The following SRGAP1 variants were observed in gnomAD, a reference collection of about 807,000 sequenced individuals.
SRGAP1 encodes the protein SLIT-ROBO Rho GTPase activating protein 1, also known as SLIT-ROBO Rho GTPase-activating protein 1.
In SRGAP1, 43 loss-of-function variants were observed where a neutral mutation model predicts 121.9. That is an observed-to-expected ratio of 0.35 (90% CI 0.28 to 0.46). SRGAP1 has a LOEUF of 0.46. Ranked by LOEUF, SRGAP1 falls within the 20% of genes least tolerant of loss-of-function variation. The pLI is 1.00. For missense variants in SRGAP1, 1,102 were observed against 1,350.9 expected, an observed-to-expected ratio of 0.82 and a Z score of 2.89; for synonymous variants, 447 against 485.4, an observed-to-expected ratio of 0.92 and a Z score of 1.04.
chr12:63,972,401 T>C (rs1369200469), intron 1 of SRGAP1, among the ~76,000 whole-genome samples: 1 of 152,178 alleles, frequency 6.6e-6, no homozygotes, highest in Non-Finnish European at 1.5e-5. Context: ...ATACTGTTTA[T>C]AGGAGAAACC....
At chr12:64,094,826 G>T (rs2036122564) in intron 12 of SRGAP1, 106 bp from the exon 13 acceptor site, 2 of 1,107,282 alleles carry the variant, frequency 1.8e-6, no homozygotes, top group Non-Finnish European at 2.7e-6. Context: ...GTTTGCTCCA[G>T]AACTGCAAAA....
At chr12:63,884,186 G>A (rs1018352327) in intron 1 of SRGAP1, among the ~76,000 whole-genome samples, 1 of 151,948 alleles carries the variant, frequency 6.6e-6, no homozygotes, top group Non-Finnish European at 1.5e-5. Context: ...GGGAGGCTGA[G>A]GCAGGAGAAT....
intron 1 of SRGAP1, among the ~76,000 whole-genome samples, chr12:63,906,515 G>T (rs984560977): frequency 6.6e-6 from 1 of 151,884 alleles, no homozygotes; most frequent in Non-Finnish European, 1.5e-5. Flanking sequence ...GGGTTTCACC[G>T]TGTTAGCCAG....
intron 1 of SRGAP1, among the ~76,000 whole-genome samples, chr12:63,940,366 C>T (rs1332289072): frequency 5.3e-5 from 8 of 150,572 alleles, no homozygotes; most frequent in African/African-American, 2.0e-4. Context: ...TGTCAAATGC[C>T]TCTTTCTCAT....
chr12:63,845,105 C>G (rs113597774), intron 1 of SRGAP1, among the ~76,000 whole-genome samples: 99 of 152,304 alleles, frequency 6.5e-4, no homozygotes, highest in African/African-American at 2.3e-3. Context: ...ACTTCCCCCG[C>G]CAGCTGCCAG....
At chr12:64,038,003 G>GT (rs1323479358) in intron 4 of SRGAP1, among the ~76,000 whole-genome samples, 1 of 152,088 alleles carries the variant, frequency 6.6e-6, no homozygotes, top group Non-Finnish European at 1.5e-5. Context: ...CTTTCCAAAG[G>GT]TTATGGCGTA....
intron 3 of SRGAP1, among the ~76,000 whole-genome samples, chr12:64,007,206 CTG>C (rs1204966208): frequency 6.6e-6 from 1 of 152,134 alleles, no homozygotes; most frequent in Non-Finnish European, 1.5e-5. Context: ...TTTCTGTAAA[CTG>C]TGTCATATAA....
chr12:64,008,229 TTGG>T (rs1465733037), intron 3 of SRGAP1, among the ~76,000 whole-genome samples: 5 of 152,232 alleles, frequency 3.3e-5, no homozygotes, highest in Non-Finnish European at 7.3e-5. Flanking sequence ...CTTGAAGGTT[TTGG>T]GGGTTTTCCC....
intron 3 of SRGAP1, among the ~76,000 whole-genome samples, chr12:63,993,602 G>A (rs1281122148): frequency 6.6e-6 from 1 of 152,000 alleles, no homozygotes; most frequent in African/African-American, 2.4e-5. Context: ...GATAGTTTTG[G>A]CCTCTTAAAC....
intron 1 of SRGAP1, among the ~76,000 whole-genome samples, chr12:63,912,224 A>G (rs939464882): frequency 2.0e-5 from 3 of 152,154 alleles, no homozygotes; most frequent in African/African-American, 7.2e-5. Context: ...TCACAGTACA[A>G]AAGCCCTGTG....
At chr12:64,068,573 G>A (rs1015420578) in intron 8 of SRGAP1, among the ~76,000 whole-genome samples, 8 of 151,796 alleles carry the variant, frequency 5.3e-5, no homozygotes, top group South Asian at 4.2e-4. Context: ...GGGTTCAAGC[G>A]ATCCGCCTGC....
At chr12:63,889,543 G>A (rs561910708) in intron 1 of SRGAP1, among the ~76,000 whole-genome samples, 23 of 152,298 alleles carry the variant, frequency 1.5e-4, no homozygotes, top group Middle Eastern at 3.4e-3. Flanking sequence ...CTACAATGCC[G>A]TGTGGAAACA....
At chr12:64,072,106 C>CTGTGTGTGTGTGTGTGTGTGTGTG (rs1212999220) in intron 8 of SRGAP1, among the ~76,000 whole-genome samples, 1 of 37,770 alleles carries the variant, frequency 2.6e-5, no homozygotes, top group Non-Finnish European at 6.7e-5. Flanking sequence ...CCCAATCTCT[C>CTGTGTGTGTGTGTGTGTGTGTGTG]TCTGTGTGTG....
chr12:64,041,444 G>GCACAATCTCAGCTCACTGC lies in SRGAP1; in HGVS notation c.490-1342_490-1324dup, dbSNP rs1202740371. Among the ~76,000 whole-genome samples, 3 of 151,620 alleles carry GCACAATCTCAGCTCACTGC rather than the reference G, an allele frequency of 2.0e-5. No individual in the cohort carries two copies. The East Asian group carries it at 5.8e-4, about 29-fold the overall frequency. Reference sequence around the variant, plus strand: ...CTGTCACCCAGGCTGGAGTGCAGTGGCACAATCTCAGCTCACTGCCACTTC... The same window carrying GCACAATCTCAGCTCACTGC: ...CTGTCACCCAGGCTGGAGTGCAGTGGCACAATCTCAGCTCACTGCCACAATCTCAGCTCACTGCCACTTC... On this transcript the variant is annotated intron_variant, in intron 4 of 21. Coordinates refer to ENST00000355086, the MANE Select transcript of SRGAP1 (RefSeq NM_020762.4).
chr12:63,963,063 T>C lies in SRGAP1; in HGVS notation c.68-20884T>C, dbSNP rs546581555. 5.3e-5 allele frequency among the ~76,000 whole-genome samples: 8 copies of C among 152,352 alleles called. No homozygotes were observed. In the East Asian group the frequency reaches 1.3e-3, roughly 26 times the overall value. On this transcript the variant is annotated intron_variant, in intron 1 of 21. Transcript: ENST00000355086. ...GTTTGTGGCCTACATTTATAGCTTA[T>C]ATACTATTTTTGTTTGCTTACTTTC...
intron 1 of SRGAP1, among the ~76,000 whole-genome samples, chr12:63,918,234 C>CT (rs1158676356): frequency 1.3e-5 from 2 of 152,068 alleles, no homozygotes; most frequent in South Asian, 2.1e-4. Flanking sequence ...GTGCTAAATT[C>CT]TTTTTTTAAT....
rs1565699763 is a variant in SRGAP1 at position 64,142,301 on chromosome 12, G to A, written c.2887G>A (p.Glu963Lys). 7.4e-6 allele frequency: 12 copies of A among 1,612,384 alleles called. No individual in the cohort carries two copies. The highest frequency in any genetic ancestry group is 1.7e-5 in the Admixed American group (1 of 59,914). Residue 963 changes from glutamate (E) to lysine (K), a missense_variant, in exon 22 of 22, where the codon GAA becomes AAA. Physicochemically the swap from Glu to Lys is moderately conservative, Grantham distance 56. Around this residue, in one of 3 missense-constraint regions of SRGAP1, gnomAD observed 315 missense variants for 343.1 expected, o/e 0.92. Transcript: ENST00000355086. Reference sequence around the variant, plus strand: ...TCCGATTATTCTTCAATAGGATATTGAAGAAACGATGAACACAGCTTTGAA... The same window carrying A: ...TCCGATTATTCTTCAATAGGATATTAAAGAAACGATGAACACAGCTTTGAA... ...LDPETIAQDI[E>K]ETMNTALNEL...
chr12:63,983,336 A>G (rs1290940749), intron 1 of SRGAP1: 1 of 152,194 alleles, frequency 6.6e-6, no homozygotes, highest in Admixed American at 6.5e-5. Context: ...CAGCTACCCA[A>G]AGATGTTACG....
chr12:63,877,159 G>T (rs1269049031), intron 1 of SRGAP1, among the ~76,000 whole-genome samples: 4 of 152,188 alleles, frequency 2.6e-5, no homozygotes, highest in African/African-American at 9.7e-5. Context: ...TGGGAGGCAA[G>T]GTTTCAGTGA....
Sources: gnomAD v4.1 joint callset for allele counts (sites outside exome capture counted in the v4.1 genomes callset) on GRCh38, gnomAD v4.1.1 for gene constraint, gnomAD v4.1.1 regional missense constraint, MANE v1.5 for transcripts, NCBI Gene and HGNC (gene_info 2026-07-23, HGNC 2026-07-21) for gene names.